LRBA: variants seen among roughly 807,000 people sequenced by gnomAD.
LRBA encodes lipopolysaccharide-responsive and beige-like anchor protein.
A neutral mutation model predicts 330.0 loss-of-function variants in LRBA; 176 were observed. The observed-to-expected ratio is 0.53, with a 90% CI of 0.47 to 0.60. LRBA has a LOEUF of 0.60. LRBA is among the 20% of genes least tolerant of loss of function. LRBA has a pLI of 0.00. For missense variants in LRBA, 3,259 were observed against 3,444.8 expected (o/e 0.95, Z 1.35); for synonymous variants, 1,230 against 1,193.0 (o/e 1.03, Z -0.64).
chr4:150,990,174 G>A (rs1219348492), intron 2 of LRBA, among the ~76,000 whole-genome samples: 1 of 152,142 alleles, frequency 6.6e-6, no homozygotes, highest in Non-Finnish European at 1.5e-5. Context: ...TTTCAGCCAT[G>A]ATGTTAACCA....
intron 36 of LRBA, among the ~76,000 whole-genome samples, chr4:150,698,581 A>G (rs1184411848): frequency 2.0e-5 from 3 of 152,220 alleles, no homozygotes; most frequent in African/African-American, 7.2e-5. Flanking sequence ...GAAATATAGT[A>G]ATAGTAAGCA....
chr4:150,677,699 G>C (rs1782673848), intron 37 of LRBA, among the ~76,000 whole-genome samples: 1 of 151,930 alleles, frequency 6.6e-6, no homozygotes, highest in Admixed American at 6.6e-5. Context: ...CTACTCAGGA[G>C]AGGCTGAAGT....
chr4:150,828,919 G>T (rs1192206845), intron 29 of LRBA, among the ~76,000 whole-genome samples: 1 of 46,854 alleles, frequency 2.1e-5, no homozygotes, highest in African/African-American at 7.4e-5. Context: ...AATCTTTTTT[G>T]GGGGTGTGTG....
chr4:150,768,445 G>C (rs914481322), intron 34 of LRBA, among the ~76,000 whole-genome samples: 6 of 152,026 alleles, frequency 3.9e-5, no homozygotes, highest in African/African-American at 1.2e-4. Flanking sequence ...ATCCTACCAT[G>C]GTAAACATTG....
At chr4:150,910,310 TC>T (rs1244242742) in intron 9 of LRBA, among the ~76,000 whole-genome samples, 24 of 152,186 alleles carry the variant, frequency 1.6e-4, no homozygotes, top group African/African-American at 5.8e-4. Context: ...AGGTCTTTAA[TC>T]CATTTTCAGC....
chr4:150,615,101 C>T (rs945633271), intron 37 of LRBA, among the ~76,000 whole-genome samples: 5 of 152,150 alleles, frequency 3.3e-5, no homozygotes, highest in Admixed American at 2.0e-4. Flanking sequence ...AAAGGATTTC[C>T]GGCAGGGAAA....
At chr4:150,867,267 C>T (rs1752836648) in intron 22 of LRBA, among the ~76,000 whole-genome samples, 1 of 152,028 alleles carries the variant, frequency 6.6e-6, no homozygotes, top group Admixed American at 6.6e-5. Context: ...AGTGCGCCAC[C>T]TTGTGTTCAA....
In LRBA at chr4:150,954,123, C is replaced by T. The variant is rs556163078; in HGVS notation, c.217-25058G>A. The stretch of plus-strand genomic sequence containing the variant: ...CTGGGAAGTGAGGAGCATCTCTGCC[C>T]GGCAGCCGCCCCGTCGGGGAGGTGG... On this transcript the variant is annotated intron_variant, in intron 2 of 56. Coordinates refer to ENST00000651943, the MANE Select transcript of LRBA (RefSeq NM_001364905.1). 2.8e-4 allele frequency among the ~76,000 whole-genome samples: 43 copies of T among 151,296 alleles called. No individual in the cohort carries two copies. In the East Asian group the frequency reaches 4.9e-3, roughly 17 times the overall value.
chr4:150,928,838 T>A lies in LRBA; in HGVS notation c.444A>T (p.Ile148=). 6.2e-7 allele frequency: 1 copy of A among 1,610,850 alleles called. No homozygotes were observed. The highest frequency in any genetic ancestry group is 2.2e-5 in the East Asian group (1 of 44,846). Residue 148 remains isoleucine (I), a synonymous_variant, in exon 3 of 57, where the codon ATA becomes ATT. Coordinates refer to ENST00000651943, the MANE Select transcript of LRBA (RefSeq NM_001364905.1). ...LGKIEKVDNM[I]ADLLVDMLGV... is the part of the protein sequence containing the mutation. ...GTACTATAGAAAAAATCATACCTGCTATCATATTGTCAACTTTTTCAATTT... is the reference window on the plus strand; with the variant it reads ...GTACTATAGAAAAAATCATACCTGCAATCATATTGTCAACTTTTTCAATTT...
At chr4:150,727,333 C>G (rs2127108998) in intron 36 of LRBA, among the ~76,000 whole-genome samples, 1 of 152,172 alleles carries the variant, frequency 6.6e-6, no homozygotes, top group South Asian at 2.1e-4. Context: ...CTCAGCCTCC[C>G]AAAGTGCTGG....
At chr4:151,007,624 G>A (rs1271604138) in intron 2 of LRBA, among the ~76,000 whole-genome samples, 1 of 151,948 alleles carries the variant, frequency 6.6e-6, no homozygotes, top group African/African-American at 2.4e-5. Flanking sequence ...TTGAGAGGCC[G>A]AGATAGGCGG....
intron 40 of LRBA, among the ~76,000 whole-genome samples, chr4:150,495,121 C>A (rs1405733678): frequency 6.6e-6 from 1 of 152,134 alleles, no homozygotes; most frequent in Non-Finnish European, 1.5e-5. Context: ...GCATTACAGA[C>A]AGTGTTAAAA....
At chr4:150,766,324 AAAATACC>A (rs966733795) in intron 34 of LRBA, among the ~76,000 whole-genome samples, 2 of 152,092 alleles carry the variant, frequency 1.3e-5, no homozygotes, top group Non-Finnish European at 2.9e-5. Flanking sequence ...ACCATTTAAT[AAAATACC>A]AAATGCCAGA....
intron 37 of LRBA, among the ~76,000 whole-genome samples, chr4:150,644,058 TA>T (rs749437454): frequency 3.1e-4 from 47 of 151,946 alleles, no homozygotes; most frequent in Admixed American, 1.5e-3. Flanking sequence ...ATTTTCTTAT[TA>T]CCAGTGTGTA....
At chr4:150,800,295 T>TGGAAA in intron 33 of LRBA, among the ~76,000 whole-genome samples, 1 of 152,192 alleles carries the variant, frequency 6.6e-6, no homozygotes, top group African/African-American at 2.4e-5. Flanking sequence ...AGGGGCAGGG[T>TGGAAA]GGAAAGTATG....
At chr4:150,653,989 G>A (rs1328166929) in intron 37 of LRBA, among the ~76,000 whole-genome samples, 3 of 152,060 alleles carry the variant, frequency 2.0e-5, no homozygotes, top group Non-Finnish European at 4.4e-5. Flanking sequence ...GAGAAAGAAG[G>A]CCCCACTGGG....
intron 48 of LRBA, among the ~76,000 whole-genome samples, chr4:150,338,982 C>CAG (rs1353830507): frequency 6.6e-6 from 1 of 151,602 alleles, no homozygotes; most frequent in Non-Finnish European, 1.5e-5. Context: ...CACACACACA[C>CAG]ACACACACAC....
chr4:150,265,610 A>ATAT lies in LRBA; in HGVS notation c.*109_*111dup. 1 of 692,696 alleles carries ATAT rather than the reference A, an allele frequency of 1.4e-6. No homozygotes were observed. The highest frequency in any genetic ancestry group is 2.6e-6 in the Non-Finnish European group (1 of 391,442). 42.9% of individuals were successfully genotyped at this position (692,696 alleles called of 1,614,324 possible). A position where few individuals can be genotyped will look rare whatever the true frequency, so the allele number is the denominator to read the frequency against. ...TAGCAATTATTAATAACTTTAAAAA[A>ATAT]TATTTTGCTTCTTTGAGCAAATTTA... On this transcript the variant is annotated 3_prime_UTR_variant, in exon 57 of 57. Transcript: ENST00000651943.
intron 36 of LRBA, among the ~76,000 whole-genome samples, chr4:150,725,376 A>G (rs1729533011): frequency 6.6e-6 from 1 of 152,222 alleles, no homozygotes; most frequent in African/African-American, 2.4e-5. Flanking sequence ...GTGCTTCAAT[A>G]CATCTGGCAG....
Sources: gnomAD v4.1 joint callset for allele counts (sites outside exome capture counted in the v4.1 genomes callset) on GRCh38, gnomAD v4.1.1 for gene constraint, MANE v1.5 for transcripts, NCBI Gene and HGNC (gene_info 2026-07-23, HGNC 2026-07-21) for gene names.